THADA: variants seen among roughly 807,000 people sequenced by gnomAD.
THADA encodes the protein tRNA (32-2'-O)-methyltransferase regulator THADA.
A neutral mutation model predicts 219.8 loss-of-function variants in THADA; 213 were observed. The observed-to-expected ratio is 0.97, with a 90% confidence interval of 0.87 to 1.09. THADA has a LOEUF of 1.09. Ranked by LOEUF, THADA falls within the 50% of genes least tolerant of loss-of-function variation. The pLI is 0.00. For synonymous variants in THADA, 1,018 were observed against 828.9 expected (o/e 1.23, Z -3.92); for missense variants, 2,956 against 2,311.3 (o/e 1.28, Z -5.72).
intron 26 of THADA, among the ~76,000 whole-genome samples, chr2:43,482,416 T>C (rs2105002791): frequency 6.6e-6 from 1 of 152,252 alleles, no homozygotes; most frequent in East Asian, 1.9e-4. Flanking sequence ...GAATACATCA[T>C]TTTACCAAAC....
At chr2:43,454,930 T>G (rs1019195789) in intron 26 of THADA, among the ~76,000 whole-genome samples, 7 of 104,826 alleles carry the variant, frequency 6.7e-5, no homozygotes, top group African/African-American at 4.0e-4. Flanking sequence ...ATATGAGCTG[T>G]TTTTTTTTTC....
chr2:43,285,591 G>A (rs937683101), intron 35 of THADA, among the ~76,000 whole-genome samples: 14 of 149,912 alleles, frequency 9.3e-5, no homozygotes, highest in Non-Finnish European at 1.9e-4. Flanking sequence ...TTGAGATGGA[G>A]TTTTGCTCCT....
chr2:43,461,435 T>C (rs1683631055), intron 26 of THADA, among the ~76,000 whole-genome samples: 1 of 152,294 alleles, frequency 6.6e-6, no homozygotes, highest in South Asian at 2.1e-4. Context: ...AACCCAGTCC[T>C]AACTACATCC....
chr2:43,295,321 G>A (rs1192925386), intron 31 of THADA, among the ~76,000 whole-genome samples: 1 of 152,210 alleles, frequency 6.6e-6, no homozygotes, highest in Admixed American at 6.5e-5. Context: ...GAGGCCTTTG[G>A]TGAGCAGGCT....
chr2:43,318,728 T>G (rs1678369062), intron 31 of THADA, among the ~76,000 whole-genome samples: 1 of 152,188 alleles, frequency 6.6e-6, no homozygotes, highest in Non-Finnish European at 1.5e-5. Context: ...TGTTAAGTTA[T>G]TAAACACAGC....
intron 28 of THADA, among the ~76,000 whole-genome samples, chr2:43,406,239 A>AT (rs1430717512): frequency 6.6e-6 from 1 of 152,200 alleles, no homozygotes; most frequent in East Asian, 1.9e-4. Context: ...AGGCAAGGAG[A>AT]TTTTCCAACA....
rs564224842 is a variant in THADA, at chr2:43,460,414, C to A, written c.3836+24820G>T. On this transcript the variant is annotated intron_variant, in intron 26 of 37. Coordinates refer to ENST00000405975, the MANE Select transcript of THADA (RefSeq NM_022065.5). ...TGTCCATGCAAAGATTTGGAAAATA[C>A]ATTTTCTGGACAGAACTGGGCCTAA... 6.1e-4 allele frequency among the ~76,000 whole-genome samples: 93 copies of A among 152,152 alleles called. 1 individual carries two copies. The South Asian group carries it at 0.011, about 18-fold the overall frequency.
chr2:43,282,847 GAGT>G (rs1442394081), intron 35 of THADA, among the ~76,000 whole-genome samples: 5 of 152,164 alleles, frequency 3.3e-5, no homozygotes, highest in African/African-American at 9.7e-5. Context: ...TTGACACACG[GAGT>G]AGCAGTGAGG....
At chr2:43,345,356 C>T (rs886972765) in intron 29 of THADA, among the ~76,000 whole-genome samples, 1 of 152,224 alleles carries the variant, frequency 6.6e-6, no homozygotes, top group Non-Finnish European at 1.5e-5. Context: ...CTGGGTCAGA[C>T]GTCTGCAATC....
intron 26 of THADA, among the ~76,000 whole-genome samples, chr2:43,457,909 C>G (rs189122451): frequency 3.3e-5 from 5 of 151,872 alleles, no homozygotes; most frequent in African/African-American, 1.2e-4. Flanking sequence ...TGCACATACA[C>G]TGAGGATGAG....
chr2:43,345,702 C>T (rs1009253109), intron 29 of THADA, among the ~76,000 whole-genome samples: 1 of 152,184 alleles, frequency 6.6e-6, no homozygotes. Flanking sequence ...CTGGGCTTTG[C>T]TTTACTTTTC....
intron 26 of THADA, among the ~76,000 whole-genome samples, chr2:43,465,557 A>G (rs952688065): frequency 3.9e-5 from 6 of 152,130 alleles, no homozygotes; most frequent in Non-Finnish European, 8.8e-5. Context: ...ACAACAAAAT[A>G]CTCACAGATC....
intron 36 of THADA, among the ~76,000 whole-genome samples, chr2:43,265,389 G>C (rs1432959399): frequency 3.3e-5 from 5 of 152,236 alleles, no homozygotes; most frequent in Non-Finnish European, 7.3e-5. Context: ...CTGCTGATTA[G>C]AGAGGTTAGA....
chr2:43,592,107 G>T, intron 2 of THADA, 61 bp from the exon 3 acceptor site: 1 of 1,354,910 alleles, frequency 7.4e-7, no homozygotes. Flanking sequence ...CTTTGCCTTT[G>T]TTGTGCATTC....
At position 43,508,553 on chromosome 2, in the gene THADA, T is replaced by C. The variant is rs542741987; in HGVS notation, c.3507+95A>G. Reference sequence around the variant, plus strand: ...GCTGAAAAGACAGAAATGTCCTTTATGTGTAATACGCTCACTCACACGTCA... The same window carrying C: ...GCTGAAAAGACAGAAATGTCCTTTACGTGTAATACGCTCACTCACACGTCA... On this transcript the variant is annotated intron_variant, in intron 23 of 37. Coordinates refer to ENST00000405975, the MANE Select transcript of THADA (RefSeq NM_022065.5). 1.3e-5 allele frequency: 16 copies of C among 1,220,696 alleles called. No individual in the cohort carries two copies. In the African/African-American group the frequency reaches 2.3e-4, roughly 17 times the overall value. 75.6% of individuals were successfully genotyped at this position (1,220,696 alleles called of 1,614,324 possible).
chr2:43,293,277 A>C, intron 31 of THADA, 64 bp from the exon 32 acceptor site: 1 of 1,528,872 alleles, frequency 6.5e-7, no homozygotes, highest in Non-Finnish European at 8.8e-7. Flanking sequence ...AAAGGACATG[A>C]AAGAATGAAG....
chr2:43,419,005 G>A (rs1677360413), intron 28 of THADA, among the ~76,000 whole-genome samples: 1 of 152,150 alleles, frequency 6.6e-6, no homozygotes, highest in Non-Finnish European at 1.5e-5. Context: ...GAAAAATGGA[G>A]ACTAAACACA....
chr2:43,254,527 C>T (rs1670116567), intron 36 of THADA, among the ~76,000 whole-genome samples: 1 of 152,084 alleles, frequency 6.6e-6, no homozygotes, highest in African/African-American at 2.4e-5. Context: ...CTTCATCTCA[C>T]CCCACCCTAC....
At chr2:43,542,718 G>A (rs540478562) in intron 20 of THADA, among the ~76,000 whole-genome samples, 6 of 152,236 alleles carry the variant, frequency 3.9e-5, no homozygotes, top group South Asian at 4.2e-4. Flanking sequence ...GTTGATTGCT[G>A]CCCAAACCCA....
Sources: allele counts gnomAD v4.1 joint callset (sites outside exome capture counted in the v4.1 genomes callset), GRCh38; gene constraint gnomAD v4.1.1; transcripts MANE v1.5; gene names NCBI Gene and HGNC (gene_info 2026-07-23, HGNC 2026-07-21).